SPTBN1: variants seen among roughly 807,000 people sequenced by gnomAD.
SPTBN1 encodes the protein spectrin beta chain, non-erythrocytic 1.
A neutral mutation model predicts 266.4 loss-of-function variants in SPTBN1; 32 were observed. The observed-to-expected ratio is 0.12, with a 90% CI of 0.09 to 0.16. The LOEUF (loss-of-function observed/expected upper bound fraction) is 0.16, where lower values mean the gene tolerates loss of function less well. Among genes scored for constraint, SPTBN1 ranks in the 10% least tolerant of loss-of-function variants. The pLI is 1.00. For missense variants in SPTBN1, 2,296 were observed against 3,067.1 expected, an observed-to-expected ratio of 0.75 and a Z score of 5.94; for synonymous variants, 1,336 against 1,162.2, an observed-to-expected ratio of 1.15 and a Z score of -3.04.
chr2:54,459,014 A>G lies in SPTBN1; in HGVS notation c.-48+2496A>G, dbSNP rs569917360. On this transcript the variant is annotated intron_variant, in intron 1 of 35. Transcript: ENST00000356805. The stretch of plus-strand genomic sequence containing the variant: ...GAGACTTTTTGTGCTGGTTGTGTAA[A>G]ATCGTGTTGCGTACAGATTTTTATG... 2.6e-4 allele frequency among the ~76,000 whole-genome samples: 39 copies of G among 152,300 alleles called. 1 individual carries two copies. Among genetic ancestry groups the G allele is most frequent in the Admixed American group, 1.2e-3 (19 of 15,308 alleles).
At chr2:54,548,041 G>A (rs1672351790) in intron 2 of SPTBN1, among the ~76,000 whole-genome samples, 1 of 152,188 alleles carries the variant, frequency 6.6e-6, no homozygotes, top group Non-Finnish European at 1.5e-5. Context: ...TACTTGGGAG[G>A]CTGAGGCAGG....
In SPTBN1 at chr2:54,664,900, T is replaced by TGG; in HGVS notation, c.6659+211_6659+212dup. ...TGAGAGAAGAAGAGTTGAGTTTGGA[T>TGG]GGGAGTAGCTAGAAGGGGCTTTAGT... On this transcript the variant is annotated intron_variant, in intron 33 of 35. Coordinates refer to ENST00000356805, the MANE Select transcript of SPTBN1 (RefSeq NM_003128.3). This position sits in a 1 kb window ranked among gnomAD's most constrained non-coding sequence, Gnocchi z 5.6. 1 of 578,498 alleles carries TGG rather than the reference T, an allele frequency of 1.7e-6. No homozygotes were observed. The highest frequency in any genetic ancestry group is 1.9e-5 in the African/African-American group (1 of 53,676). 35.8% of individuals were successfully genotyped at this position (578,498 alleles called of 1,614,324 possible).
At chr2:54,483,325 G>A (rs1016472204) in intron 1 of SPTBN1, among the ~76,000 whole-genome samples, 2 of 152,204 alleles carry the variant, frequency 1.3e-5, no homozygotes, top group Non-Finnish European at 2.9e-5. Flanking sequence ...AATCAATTAT[G>A]TTCCATGTTT....
intron 2 of SPTBN1, among the ~76,000 whole-genome samples, chr2:54,582,563 CAAA>C (rs1208471911): frequency 7.8e-5 from 6 of 76,440 alleles, no homozygotes; most frequent in Admixed American, 3.0e-4. Context: ...GACTCCGTCT[CAAA>C]AAAAAAAAAA....
At chr2:54,573,652 G>A (rs1297336019) in intron 2 of SPTBN1, among the ~76,000 whole-genome samples, 1 of 152,162 alleles carries the variant, frequency 6.6e-6, no homozygotes, top group Non-Finnish European at 1.5e-5. Context: ...GGTTTTCTGC[G>A]TTAGAAACAG....
At position 54,653,747 on chromosome 2, in the gene SPTBN1, C is replaced by A; in HGVS notation, c.5716C>A (p.Arg1906=). The A allele has an allele frequency of 6.2e-7, 1 of 1,614,198 alleles. No homozygotes were observed. Among genetic ancestry groups the A allele is most frequent in the Non-Finnish European group, 8.5e-7 (1 of 1,180,014 alleles). The change falls in exon 27 of 36, where the codon CGG becomes AGG. Residue 1906 remains arginine, a synonymous_variant. Transcript: ENST00000356805. The surrounding 1 kb of genome is among the most constrained non-coding windows in gnomAD (Gnocchi z 5.1). ...GGACGCCTGTGAGAGCCGCAGGGTG[C>A]GGCTGGTGGACACAGGGGACAAGTT... ...LLDACESRRV[R]LVDTGDKFRF... is the part of the protein sequence containing the mutation.
intron 2 of SPTBN1, among the ~76,000 whole-genome samples, chr2:54,584,026 A>G (rs1278707885): frequency 2.0e-5 from 3 of 152,148 alleles, no homozygotes; most frequent in African/African-American, 7.2e-5. Context: ...GTCTGCTTCT[A>G]CTCCCTTGAG....
At chr2:54,608,576 A>G (rs1677004342) in intron 3 of SPTBN1, among the ~76,000 whole-genome samples, 1 of 152,142 alleles carries the variant, frequency 6.6e-6, no homozygotes. Context: ...AGCCTCTACT[A>G]GAGGGGGAGT....
At chr2:54,638,674 GC>G (rs1679323378) in intron 18 of SPTBN1, among the ~76,000 whole-genome samples, 1 of 152,190 alleles carries the variant, frequency 6.6e-6, no homozygotes, top group African/African-American at 2.4e-5. Context: ...TTCTCTGTCT[GC>G]CGGAGAATAA....
At chr2:54,520,927 C>T (rs1451505174) in intron 1 of SPTBN1, among the ~76,000 whole-genome samples, 1 of 152,092 alleles carries the variant, frequency 6.6e-6, no homozygotes, top group Non-Finnish European at 1.5e-5. Context: ...TTACATAGTC[C>T]TTTCTGGGTT....
chr2:54,621,305 T>A (rs1677978173), intron 7 of SPTBN1, 95 bp from the exon 8 acceptor site: 2 of 826,382 alleles, frequency 2.4e-6, no homozygotes, highest in Non-Finnish European at 4.1e-6. Flanking sequence ...GCTGAACTGT[T>A]CCATGTTGAC....
intron 19 of SPTBN1, 60 bp from the exon 20 acceptor site, chr2:54,644,262 CA>C: frequency 6.4e-7 from 1 of 1,562,264 alleles, no homozygotes; most frequent in East Asian, 2.3e-5. Flanking sequence ...TTGTTTTTCA[CA>C]GTGACATTTT....
chr2:54,520,348 A>C (rs1670365865), intron 1 of SPTBN1: 1 of 152,204 alleles, frequency 6.6e-6, no homozygotes, highest in African/African-American at 2.4e-5. Context: ...GCATGGTAAC[A>C]TTCCAGTTTC....
chr2:54,669,162 A>C lies in SPTBN1; in HGVS notation c.*593A>C, dbSNP rs1446373329. 6.6e-6 allele frequency: 1 copy of C among 152,636 alleles called. No individual in the cohort carries two copies. Among genetic ancestry groups the C allele is most frequent in the African/African-American group, 2.4e-5 (1 of 41,434 alleles). 9.5% of individuals were successfully genotyped at this position (152,636 alleles called of 1,614,324 possible). A position where few individuals can be genotyped will look rare whatever the true frequency, so the allele number is the denominator to read the frequency against. On this transcript the variant is annotated 3_prime_UTR_variant, in exon 36 of 36. Coordinates refer to ENST00000356805, the MANE Select transcript of SPTBN1 (RefSeq NM_003128.3). Reference sequence around the variant, plus strand: ...CACGACATGCGGCTTTTCTGCATCAACTGCTATGACGGTTAAGAATGTCAG... The same window carrying C: ...CACGACATGCGGCTTTTCTGCATCACCTGCTATGACGGTTAAGAATGTCAG...
In SPTBN1 at chr2:54,496,547, T is replaced by C. The variant is rs939377486; in HGVS notation, c.-47-29825T>C. 5.9e-5 allele frequency among the ~76,000 whole-genome samples: 9 copies of C among 152,206 alleles called. No individual in the cohort carries two copies. In the East Asian group the frequency reaches 9.6e-4, roughly 16 times the overall value. On this transcript the variant is annotated intron_variant, in intron 1 of 35. Transcript: ENST00000356805. ...GAAGCATTTCACATGTATTAACTTATTTAGTCATCAAAACAGTTCTAGATG... is the reference window on the plus strand; with the variant it reads ...GAAGCATTTCACATGTATTAACTTACTTAGTCATCAAAACAGTTCTAGATG...
At chr2:54,640,417 C>T (rs1254785716) in intron 18 of SPTBN1, among the ~76,000 whole-genome samples, 1 of 152,118 alleles carries the variant, frequency 6.6e-6, no homozygotes, top group Non-Finnish European at 1.5e-5. Context: ...CCATAAACAC[C>T]ACCTAGATGA....
intron 9 of SPTBN1, 144 bp from the exon 10 acceptor site, chr2:54,623,333 TTG>T (rs1678116097): frequency 3.0e-6 from 2 of 671,778 alleles, no homozygotes; most frequent in East Asian, 2.8e-5. Flanking sequence ...GTTTCAAGGT[TTG>T]TAATAGCCAA....
intron 1 of SPTBN1, among the ~76,000 whole-genome samples, chr2:54,492,304 TG>T (rs1668725316): frequency 6.6e-6 from 1 of 150,840 alleles, no homozygotes; most frequent in South Asian, 2.1e-4. Flanking sequence ...CTAAAGTAGG[TG>T]TGCCCTATTA....
intron 24 of SPTBN1, 71 bp downstream of exon 24, chr2:54,647,332 A>G: frequency 6.4e-7 from 1 of 1,564,182 alleles, no homozygotes; most frequent in Non-Finnish European, 8.7e-7. Flanking sequence ...GCTAACCCCC[A>G]CCAAAAGAAA....
Sources: allele counts gnomAD v4.1 joint callset (sites outside exome capture counted in the v4.1 genomes callset), GRCh38; gene constraint gnomAD v4.1.1; non-coding constraint Gnocchi (gnomAD v3.1); transcripts MANE v1.5; gene names NCBI Gene and HGNC (gene_info 2026-07-23, HGNC 2026-07-21).